The following PCDH15 variants were observed in gnomAD, a reference collection of about 807,000 sequenced individuals.
PCDH15 encodes the protein protocadherin related 15.
Under a neutral mutation model 178.5 loss-of-function variants are expected in PCDH15, and 129 were observed. The observed-to-expected ratio is 0.72, with a 90% CI of 0.63 to 0.84. The LOEUF (loss-of-function observed/expected upper bound fraction) is 0.84. Ranked by LOEUF, PCDH15 falls within the 40% of genes least tolerant of loss-of-function variation. The probability of loss-of-function intolerance (pLI) is 0.00; values close to 1 mark genes in which losing one functional copy is unlikely to be tolerated. For synonymous variants in PCDH15, 800 were observed against 732.0 expected, an observed-to-expected ratio of 1.09 and a Z score of -1.50; for missense variants, 2,230 against 2,099.9, an observed-to-expected ratio of 1.06 and a Z score of -1.21.
At chr10:54,229,675 C>T (rs2053851219) in intron 9 of PCDH15, among the ~76,000 whole-genome samples, 1 of 152,098 alleles carries the variant, frequency 6.6e-6, no homozygotes, top group Non-Finnish European at 1.5e-5. Flanking sequence ...TATATTTTGC[C>T]ATGTGAGACA....
intron 1 of PCDH15, among the ~76,000 whole-genome samples, chr10:55,214,561 T>C (rs1200574722): frequency 6.6e-6 from 1 of 152,004 alleles, no homozygotes; most frequent in African/African-American, 2.4e-5. Context: ...TTATTCTTTT[T>C]TTTTTGTGGG....
intron 2 of PCDH15, among the ~76,000 whole-genome samples, chr10:55,447,481 T>G (rs1839343050): frequency 6.6e-6 from 1 of 151,966 alleles, no homozygotes; most frequent in South Asian, 2.1e-4. Flanking sequence ...AAAGTATTGT[T>G]TAGACTATGC....
At chr10:54,796,274 G>GTCTATGTATCTATCTATCTATC (rs1951982985) in intron 1 of PCDH15, among the ~76,000 whole-genome samples, 1 of 56,960 alleles carries the variant, frequency 1.8e-5, no homozygotes, top group African/African-American at 7.1e-5. Context: ...ATCTATCTAT[G>GTCTATGTATCTATCTATCTATC]TATCTATGTA....
At chr10:54,528,339 C>G in intron 2 of PCDH15, 1 of 1,505,690 alleles carries the variant, frequency 6.6e-7, no homozygotes, top group Non-Finnish European at 9.1e-7. Context: ...CAAAGACAGA[C>G]AAGCAATGCT....
intron 2 of PCDH15, among the ~76,000 whole-genome samples, chr10:54,904,096 A>T (rs1025368887): frequency 1.3e-5 from 2 of 152,046 alleles, no homozygotes; most frequent in Non-Finnish European, 2.9e-5. Context: ...TATATATGTC[A>T]ATGAAACAAT....
intron 3 of PCDH15, among the ~76,000 whole-genome samples, chr10:54,409,766 T>C (rs539281685): frequency 6.6e-6 from 1 of 152,196 alleles, no homozygotes; most frequent in African/African-American, 2.4e-5. Flanking sequence ...TAATCAAGAT[T>C]AGATAAGGTC....
chr10:54,212,080 T>C (rs2051500424), intron 10 of PCDH15, among the ~76,000 whole-genome samples: 1 of 152,100 alleles, frequency 6.6e-6, no homozygotes, highest in Non-Finnish European at 1.5e-5. Context: ...GACAGCTGAA[T>C]TCGATAATAA....
chr10:55,166,033 G>T (rs1282592479), intron 2 of PCDH15, among the ~76,000 whole-genome samples: 1 of 152,042 alleles, frequency 6.6e-6, no homozygotes, highest in Admixed American at 6.6e-5. Flanking sequence ...TTGCTCCAAT[G>T]TTATAAAAGC....
intron 8 of PCDH15, among the ~76,000 whole-genome samples, chr10:54,257,856 A>G (rs1269651930): frequency 6.6e-6 from 1 of 152,186 alleles, no homozygotes; most frequent in Non-Finnish European, 1.5e-5. Context: ...CATTGGAATA[A>G]GCCAATATTT....
chr10:54,965,159 A>T (rs1838751182), intron 2 of PCDH15, among the ~76,000 whole-genome samples: 1 of 152,208 alleles, frequency 6.6e-6, no homozygotes. Context: ...TGAACAAAAT[A>T]CAATATTTTG....
intron 2 of PCDH15, among the ~76,000 whole-genome samples, chr10:55,547,908 T>TGAGAGAGAGAGAGAGAGA (rs1297847854): frequency 2.8e-5 from 1 of 35,284 alleles, no homozygotes; most frequent in African/African-American, 1.3e-4. Context: ...TGTGTGTGTG[T>TGAGAGAGAGAGAGAGAGA]GTGAGAGAGA....
chr10:54,248,627 T>A (rs10400005), intron 8 of PCDH15, among the ~76,000 whole-genome samples: 1 of 152,058 alleles, frequency 6.6e-6, no homozygotes, highest in East Asian at 1.9e-4. Context: ...GTATCAGGGA[T>A]GGGGATTCAA....
At chr10:54,742,608 T>C (rs996500646) in intron 1 of PCDH15, among the ~76,000 whole-genome samples, 2 of 151,952 alleles carry the variant, frequency 1.3e-5, no homozygotes, top group Non-Finnish European at 2.9e-5. Context: ...ACTGATGACG[T>C]AGAGTGACAC....
chr10:55,259,902 C>CAAAAAAA (rs749939571), intron 1 of PCDH15, among the ~76,000 whole-genome samples: 13 of 52,012 alleles, frequency 2.5e-4, no homozygotes, highest in African/African-American at 3.8e-4. Flanking sequence ...AACTCCGTCT[C>CAAAAAAA]AAAAAAAAAA....
At chr10:55,462,804 G>C (rs1369523060) in intron 2 of PCDH15, among the ~76,000 whole-genome samples, 2 of 152,072 alleles carry the variant, frequency 1.3e-5, no homozygotes, top group Non-Finnish European at 2.9e-5. Context: ...GCCAACTGCA[G>C]TAAATGCAAA....
In PCDH15 at chr10:53,971,577, A is replaced by G. The variant is rs574384100; in HGVS notation, c.2869-9685T>C. Among the ~76,000 whole-genome samples, 4 of 152,350 alleles carry G rather than the reference A, an allele frequency of 2.6e-5. 1 individual carries two copies. The South Asian group carries it at 8.3e-4, about 32-fold the overall frequency. On this transcript the variant is annotated intron_variant, in intron 21 of 37. Coordinates refer to ENST00000644397, the MANE Select transcript of PCDH15 (RefSeq NM_001384140.1). ...CCAAAACCTCCTTAAGCTGATAAGC[A>G]ACTTCAGCAAAGTCTCAGGATACAA...
At chr10:55,041,866 T>G (rs1015464531) in intron 2 of PCDH15, among the ~76,000 whole-genome samples, 18 of 152,152 alleles carry the variant, frequency 1.2e-4, no homozygotes, top group African/African-American at 4.1e-4. Context: ...ACTGAGCAGA[T>G]AGTGAGCACT....
At chr10:54,664,327 G>A (rs1405521089) in intron 1 of PCDH15, 37 bp from the exon 2 acceptor site, 5 of 1,306,188 alleles carry the variant, frequency 3.8e-6, no homozygotes, top group South Asian at 1.2e-5. Context: ...CATTTGACAT[G>A]TTCATTAATC....
At chr10:54,876,202 T>G (rs1954140270) in intron 3 of PCDH15, among the ~76,000 whole-genome samples, 1 of 152,098 alleles carries the variant, frequency 6.6e-6, no homozygotes, top group South Asian at 2.1e-4. Flanking sequence ...ACAGCATGGT[T>G]TACTGAATAC....
Sources: allele counts gnomAD v4.1 joint callset (sites outside exome capture counted in the v4.1 genomes callset), GRCh38; gene constraint gnomAD v4.1.1; transcripts MANE v1.5; gene names NCBI Gene and HGNC (gene_info 2026-07-23, HGNC 2026-07-21).